The following UBOX5 variants were observed in gnomAD, a reference collection of about 807,000 sequenced individuals.
The protein encoded by UBOX5 is RING finger protein 37.
UBOX5 carries 28 observed loss-of-function variants against 39.0 expected under a neutral mutation model. The observed-to-expected ratio is 0.72, with a 90% CI of 0.53 to 0.98. UBOX5 has a LOEUF of 0.98. Among genes scored for constraint, UBOX5 ranks in the 50% least tolerant of loss-of-function variants. The pLI, the probability that UBOX5 is intolerant of heterozygous loss-of-function variation, is 0.00. For synonymous variants in UBOX5, 283 were observed against 275.5 expected, an observed-to-expected ratio of 1.03 and a Z score of -0.27; for missense variants, 585 against 674.4, an observed-to-expected ratio of 0.87 and a Z score of 1.47.
At chr20:3,159,115 A>G (rs1296382617) in intron 1 of UBOX5, among the ~76,000 whole-genome samples, 3 of 152,238 alleles carry the variant, frequency 2.0e-5, no homozygotes, top group Non-Finnish European at 4.4e-5. Flanking sequence ...CGGTTTGCAC[A>G]GAAAGAGAAA....
At chr20:3,157,781 G>A (rs1013955962) in intron 1 of UBOX5, among the ~76,000 whole-genome samples, 3 of 152,170 alleles carry the variant, frequency 2.0e-5, no homozygotes, top group African/African-American at 7.2e-5. Flanking sequence ...AATGGTCCAA[G>A]TACCTATAAC....
chr20:3,111,390 G>A (rs139947176), intron 4 of UBOX5, among the ~76,000 whole-genome samples: 166 of 152,258 alleles, frequency 1.1e-3, no homozygotes, highest in African/African-American at 3.7e-3. Flanking sequence ...CTCCAGGCTT[G>A]TCTTCTCAAT....
At chr20:3,115,753 C>CTTTTTTTTT (rs11481933) in intron 3 of UBOX5, among the ~76,000 whole-genome samples, 1 of 87,936 alleles carries the variant, frequency 1.1e-5, no homozygotes, top group Non-Finnish European at 2.1e-5. Flanking sequence ...CTGCACGCTC[C>CTTTTTTTTT]TTTTTTTTTT....
At chr20:3,143,298 C>A (rs2066533657) in intron 1 of UBOX5, among the ~76,000 whole-genome samples, 1 of 151,648 alleles carries the variant, frequency 6.6e-6, no homozygotes. Context: ...AGACAGGTTT[C>A]ACCATGTTGG....
At chr20:3,135,786 T>TA (rs3838048) in intron 1 of UBOX5, among the ~76,000 whole-genome samples, 12 of 149,922 alleles carry the variant, frequency 8.0e-5, no homozygotes, top group Admixed American at 1.3e-4. Context: ...AGGTTGTAGT[T>TA]AAAAAAAAAA....
intron 1 of UBOX5, among the ~76,000 whole-genome samples, chr20:3,141,958 A>G (rs2066520313): frequency 6.6e-6 from 1 of 151,922 alleles, no homozygotes; most frequent in African/African-American, 2.4e-5. Context: ...GGCTGCAGTG[A>G]GCCATAATCA....
chr20:3,115,498 G>C, intron 3 of UBOX5, 32 bp from the exon 4 acceptor site: 1 of 1,578,304 alleles, frequency 6.3e-7, no homozygotes, highest in African/African-American at 1.4e-5. Flanking sequence ...ACAACATCCA[G>C]AGACAGGCTC....
intron 1 of UBOX5, chr20:3,156,718 C>T (rs2066690185): frequency 6.6e-6 from 1 of 152,142 alleles, no homozygotes; most frequent in Non-Finnish European, 1.5e-5. Context: ...TGAGCAGAGC[C>T]GAATAGCTTC....
intron 1 of UBOX5, among the ~76,000 whole-genome samples, chr20:3,144,123 A>G (rs149552023): frequency 0.012 from 1,801 of 152,310 alleles, 17 homozygotes; most frequent in South Asian, 0.044. Context: ...CAAACGACAG[A>G]TTCAATACTG....
chr20:3,130,060 T>A (rs930664424), intron 1 of UBOX5, among the ~76,000 whole-genome samples: 1 of 151,866 alleles, frequency 6.6e-6, no homozygotes, highest in Non-Finnish European at 1.5e-5. Context: ...TGAGATGCCA[T>A]CTCTACAAAA....
intron 4 of UBOX5, 119 bp from the exon 5 acceptor site, chr20:3,110,433 A>C: frequency 8.8e-7 from 1 of 1,142,422 alleles, no homozygotes; most frequent in East Asian, 2.5e-5. Context: ...ATCCCTCCCG[A>C]GTCCATCCCA....
intron 1 of UBOX5, among the ~76,000 whole-genome samples, chr20:3,140,904 T>TA (rs1487185605): frequency 1.3e-5 from 2 of 149,256 alleles, no homozygotes; most frequent in Non-Finnish European, 3.0e-5. Flanking sequence ...TTTTTTTTTT[T>TA]AGGGTTGCCA....
intron 1 of UBOX5, among the ~76,000 whole-genome samples, chr20:3,144,118 G>A (rs1331972211): frequency 1.3e-5 from 2 of 152,114 alleles, no homozygotes; most frequent in Admixed American, 6.5e-5. Flanking sequence ...CAAAGCAAAC[G>A]ACAGATTCAA....
chr20:3,144,170 T>C (rs1186006143), intron 1 of UBOX5, among the ~76,000 whole-genome samples: 1 of 152,122 alleles, frequency 6.6e-6, no homozygotes, highest in Non-Finnish European at 1.5e-5. Flanking sequence ...CTTGCAGAAA[T>C]GGGCAAACTG....
At chr20:3,137,379 C>T (rs923488214) in intron 1 of UBOX5, among the ~76,000 whole-genome samples, 2 of 152,198 alleles carry the variant, frequency 1.3e-5, no homozygotes, top group African/African-American at 4.8e-5. Flanking sequence ...CTCCTGGGTT[C>T]AAGTGATTCT....
At chr20:3,147,655 C>T (rs1228524723) in intron 1 of UBOX5, 2 of 1,614,128 alleles carry the variant, frequency 1.2e-6, no homozygotes. Flanking sequence ...GGCAGGTGGG[C>T]AGGTGTTCTG....
rs1160113235 is a variant in UBOX5 at position 3,149,437 on chromosome 20, G to C, written c.-42+10329C>G. 6.6e-6 allele frequency among the ~76,000 whole-genome samples: 1 copy of C among 152,134 alleles called. No individual in the cohort carries two copies. Among genetic ancestry groups the C allele is most frequent in the Non-Finnish European group, 1.5e-5 (1 of 68,022 alleles). On this transcript the variant is annotated intron_variant, in intron 1 of 4. Transcript: ENST00000217173. This position sits in a 1 kb window ranked among gnomAD's most constrained non-coding sequence, Gnocchi z 4.1. Reference sequence around the variant, plus strand: ...GGATAAATTCTGCGGTCTGTGTAAAGGCCTAGGAAAACCCCCAACCCAGGG... The same window carrying C: ...GGATAAATTCTGCGGTCTGTGTAAACGCCTAGGAAAACCCCCAACCCAGGG...
rs906436850 is a variant in UBOX5, at chr20:3,122,484, T to G, written c.155A>C (p.Tyr52Ser). The G allele has an allele frequency of 1.2e-5, 20 of 1,614,174 alleles. No homozygotes were observed. Among genetic ancestry groups the G allele is most frequent in the Non-Finnish European group, 1.7e-5 (20 of 1,180,020 alleles). ...ATTAAAGGGAAATGAAACTGTCACA[T>G]AGACTGGTGGCTTAATGAAATACTC... is the stretch of plus-strand genomic sequence containing the variant. Reference protein sequence around the residue: ...RTEYFIKPPVYVTVSFPFNVE... With the variant: ...RTEYFIKPPVSVTVSFPFNVE... Residue 52 changes from tyrosine to serine, a missense_variant, in exon 3 of 5, where the codon TAT becomes TCT. Transcript: ENST00000217173.
intron 4 of UBOX5, among the ~76,000 whole-genome samples, chr20:3,113,351 A>AGAG (rs996701724): frequency 1.3e-5 from 2 of 151,094 alleles, no homozygotes; most frequent in African/African-American, 4.8e-5. Flanking sequence ...ATAAGACTGC[A>AGAG]GAGGAGGAGA....
Sources: gnomAD v4.1 joint callset for allele counts (sites outside exome capture counted in the v4.1 genomes callset) on GRCh38, gnomAD v4.1.1 for gene constraint, Gnocchi (gnomAD v3.1) non-coding constraint, MANE v1.5 for transcripts, NCBI Gene and HGNC (gene_info 2026-07-23, HGNC 2026-07-21) for gene names.